HSD11B1: variants seen among roughly 807,000 people sequenced by gnomAD.
HSD11B1 encodes the protein 11-beta-hydroxysteroid dehydrogenase 1.
In HSD11B1, 15 loss-of-function variants were observed where a neutral mutation model predicts 22.1. The observed-to-expected ratio is 0.68, with a 90% confidence interval of 0.45 to 1.04. The LOEUF (loss-of-function observed/expected upper bound fraction) is 1.04, where lower values mean the gene tolerates loss of function less well. HSD11B1 is among the 50% of genes least tolerant of loss of function. The pLI is 0.00. For synonymous variants in HSD11B1, 122 were observed against 125.2 expected, an observed-to-expected ratio of 0.97 and a Z score of 0.17; for missense variants, 281 against 357.6, an observed-to-expected ratio of 0.79 and a Z score of 1.73.
At chr1:209,714,054 A>T (rs973465616) in intron 4 of HSD11B1, among the ~76,000 whole-genome samples, 2 of 152,240 alleles carry the variant, frequency 1.3e-5, no homozygotes, top group African/African-American at 4.8e-5. Context: ...AAAAATATGC[A>T]TGAAGGTCAA....
chr1:209,720,975 G>A (rs2076961519), intron 4 of HSD11B1, among the ~76,000 whole-genome samples: 1 of 152,156 alleles, frequency 6.6e-6, no homozygotes, highest in Non-Finnish European at 1.5e-5. Context: ...ACTGCCAAAT[G>A]TCCTTATAGA....
At chr1:209,725,786 T>TG (rs957141818) in intron 4 of HSD11B1, among the ~76,000 whole-genome samples, 1 of 152,154 alleles carries the variant, frequency 6.6e-6, no homozygotes, top group Non-Finnish European at 1.5e-5. Context: ...ACTAGAAGAA[T>TG]GGGGGGCAGA....
At chr1:209,732,614 T>G (rs1328526388) in intron 5 of HSD11B1, 35 bp downstream of exon 5, 1 of 1,571,230 alleles carries the variant, frequency 6.4e-7, no homozygotes, top group East Asian at 2.2e-5. Flanking sequence ...TTTTAATTAT[T>G]ATACTTTAAG....
rs571139521 is a variant in HSD11B1, at chr1:209,711,389, A to G, written c.517+4261A>G. ...AACGGGCCTCAGAACCAGAGTGGAA[A>G]GGGGCAATTTATCCCTTGCCACAGT... On this transcript the variant is annotated intron_variant, in intron 4 of 5. Coordinates refer to ENST00000367027, the MANE Select transcript of HSD11B1 (RefSeq NM_005525.4). Among the ~76,000 whole-genome samples, 12 of 152,330 alleles carry G rather than the reference A, an allele frequency of 7.9e-5. No individual in the cohort carries two copies. In the East Asian group the frequency reaches 2.3e-3, roughly 29 times the overall value.
intron 4 of HSD11B1, among the ~76,000 whole-genome samples, chr1:209,717,871 C>CAAAAA (rs1015577238): frequency 1.3e-4 from 5 of 39,582 alleles, no homozygotes; most frequent in Non-Finnish European, 3.0e-4. Flanking sequence ...GACTCCATCT[C>CAAAAA]AAAAAAAAAA....
chr1:209,731,535 C>T (rs1188742918), intron 4 of HSD11B1, among the ~76,000 whole-genome samples: 3 of 152,142 alleles, frequency 2.0e-5, no homozygotes, highest in Non-Finnish European at 2.9e-5. Flanking sequence ...TAACAATGCT[C>T]GGTAAAGACT....
upstream of HSD11B1, chr1:209,704,748 G>C: frequency 1.7e-6 from 1 of 579,906 alleles, no homozygotes. Flanking sequence ...CAGGCTGCCA[G>C]GGACGAATGG....
chr1:209,719,303 G>C (rs2102387455), intron 4 of HSD11B1, among the ~76,000 whole-genome samples: 1 of 152,288 alleles, frequency 6.6e-6, no homozygotes, highest in Middle Eastern at 3.4e-3. Context: ...GCCACAGAAA[G>C]AGAATGAACC....
rs760430284 is a variant in HSD11B1, at chr1:209,706,778, A to T, written c.289A>T (p.Thr97Ser). 1.6e-5 allele frequency: 26 copies of T among 1,614,004 alleles called. No individual in the cohort carries two copies. In the Admixed American group the frequency reaches 4.3e-4, roughly 27 times the overall value. ...HYIAGTMEDM[T>S]FAEQFVAQAG... The stretch of plus-strand genomic sequence containing the variant: ...CATTGCTGGCACCATGGAAGACATG[A>T]CCTTCGCAGAGCAATTTGTTGCCCA... Residue 97 changes from threonine (T) to serine (S), a missense_variant, in exon 3 of 6, where the codon ACC (threonine) becomes TCC (serine). By Grantham distance (58) the Thr-to-Ser change is moderately conservative (BLOSUM62 1). Transcript: ENST00000367027. The surrounding 1 kb of genome is among the most constrained non-coding windows in gnomAD (Gnocchi z 4.0).
At chr1:209,721,944 G>C (rs1415133154) in intron 4 of HSD11B1, among the ~76,000 whole-genome samples, 1 of 152,172 alleles carries the variant, frequency 6.6e-6, no homozygotes, top group African/African-American at 2.4e-5. Flanking sequence ...TAATGCTATT[G>C]AGGCCCCTCT....
chr1:209,693,407 T>C (rs2102355370), intron 1 of HSD11B1, among the ~76,000 whole-genome samples: 1 of 152,200 alleles, frequency 6.6e-6, no homozygotes, highest in East Asian at 1.9e-4. Context: ...CCCCAGGAGA[T>C]ATGAATAGAT....
chr1:209,692,613 G>T (rs11119326), intron 1 of HSD11B1, among the ~76,000 whole-genome samples: 23 of 71,138 alleles, frequency 3.2e-4, no homozygotes, highest in East Asian at 8.1e-4. Context: ...ATGGCGGGGG[G>T]GGGGGTGGGG....
intron 4 of HSD11B1, among the ~76,000 whole-genome samples, chr1:209,714,113 G>C (rs2076915506): frequency 6.6e-6 from 1 of 152,238 alleles, no homozygotes; most frequent in African/African-American, 2.4e-5. Context: ...CAGGGAGCAA[G>C]AAGGCCAAGG....
At chr1:209,721,469 C>CAAA (rs3059693) in intron 4 of HSD11B1, among the ~76,000 whole-genome samples, 3,424 of 101,728 alleles carry the variant, frequency 0.034, 143 homozygotes, top group African/African-American at 0.082. Context: ...ATTTCAAAAG[C>CAAA]AAAAAAAAAA....
rs546088956 is a variant in HSD11B1, at chr1:209,734,701, A to G, written c.*180A>G. 5.0e-6 allele frequency: 3 copies of G among 604,964 alleles called. No individual in the cohort carries two copies. The South Asian group carries it at 5.5e-5, about 11-fold the overall frequency. 37.5% of individuals were successfully genotyped at this position (604,964 alleles called of 1,614,324 possible). A position where few individuals can be genotyped will look rare whatever the true frequency, so the allele number is the denominator to read the frequency against. ...TTTGCAAAATGGAAATGTAATAATA[A>G]TGAATGTCATGCACCGCTGCAGCCA... On this transcript the variant is annotated 3_prime_UTR_variant, in exon 6 of 6. Transcript: ENST00000367027.
intron 4 of HSD11B1, among the ~76,000 whole-genome samples, chr1:209,720,117 G>GT (rs913758008): frequency 2.6e-5 from 4 of 151,862 alleles, no homozygotes; most frequent in African/African-American, 9.7e-5. Flanking sequence ...GGTTAAGATA[G>GT]TTTTTTTTAA....
At chr1:209,722,681 A>G (rs1306787545) in intron 4 of HSD11B1, among the ~76,000 whole-genome samples, 1 of 152,204 alleles carries the variant, frequency 6.6e-6, no homozygotes, top group Non-Finnish European at 1.5e-5. Context: ...AAGAGCTGGG[A>G]AAAATGGGGG....
chr1:209,723,524 T>C (rs760998551), intron 4 of HSD11B1, among the ~76,000 whole-genome samples: 30 of 152,260 alleles, frequency 2.0e-4, no homozygotes, highest in Non-Finnish European at 2.6e-4. Flanking sequence ...TGGCAACACT[T>C]TTCTGGTTAC....
At chr1:209,717,519 T>C (rs2076937299) in intron 4 of HSD11B1, among the ~76,000 whole-genome samples, 2 of 152,130 alleles carry the variant, frequency 1.3e-5, no homozygotes, top group Admixed American at 1.3e-4. Flanking sequence ...AAAATAGAAC[T>C]ATCATATGAT....
Sources: gnomAD v4.1 joint callset for allele counts (sites outside exome capture counted in the v4.1 genomes callset) on GRCh38, gnomAD v4.1.1 for gene constraint, Gnocchi (gnomAD v3.1) non-coding constraint, MANE v1.5 for transcripts, NCBI Gene and HGNC (gene_info 2026-07-23, HGNC 2026-07-21) for gene names.